The following NAP1L4 variants were observed in gnomAD, a reference collection of about 807,000 sequenced individuals.
NAP1L4 encodes the protein nucleosome assembly protein 1 like 4, also known as nucleosome assembly protein 1-like 4.
A neutral mutation model predicts 58.2 loss-of-function variants in NAP1L4; 15 were observed. The ratio of observed to expected loss-of-function variants is 0.26; its 90% CI spans 0.17 to 0.40. The LOEUF (loss-of-function observed/expected upper bound fraction) is 0.40, where lower values mean the gene tolerates loss of function less well. Ranked by LOEUF, NAP1L4 falls within the 10% of genes least tolerant of loss-of-function variation. The pLI is 1.00. For synonymous variants in NAP1L4, 171 were observed against 155.6 expected, an observed-to-expected ratio of 1.10 and a Z score of -0.74; for missense variants, 384 against 451.1, an observed-to-expected ratio of 0.85 and a Z score of 1.35.
Position 2,955,930 on chromosome 11 carries a change from C to T in NAP1L4, c.893-164G>A. On this transcript the variant is annotated intron_variant, in intron 10 of 15. Transcript: ENST00000380542. The surrounding 1 kb of genome is among the most constrained non-coding windows in gnomAD (Gnocchi z 4.2). ...TTGCATCTCCTCACAGACATCTTTG[C>T]AAGCTCCATCCACCACTTCTGAAGC... 1 of 646,300 alleles carries T rather than the reference C, an allele frequency of 1.5e-6. No individual in the cohort carries two copies. The allele number at this position is 646,300 out of a possible 1,614,324, so 40.0% of individuals were successfully genotyped here. A position where few individuals can be genotyped will look rare whatever the true frequency, so the allele number is the denominator to read the frequency against.
rs1337608826 is a variant in NAP1L4, at chr11:2,955,778, A to C, written c.893-12T>G. On this transcript the variant is annotated splice_polypyrimidine_tract_variant and intron_variant, in intron 10 of 15. Coordinates refer to ENST00000380542, the MANE Select transcript of NAP1L4 (RefSeq NM_005969.4). This position sits in a 1 kb window ranked among gnomAD's most constrained non-coding sequence, Gnocchi z 4.2. The stretch of plus-strand genomic sequence containing the variant: ...TCCATCCCCGGATGCTAGAAAAAGA[A>C]AAGACAAAACATATTTAAATTACAG... The C allele has an allele frequency of 5.6e-6, 9 of 1,612,012 alleles. No individual in the cohort carries two copies. Among genetic ancestry groups the C allele is most frequent in the African/African-American group, 1.3e-5 (1 of 74,870 alleles).
intron 1 of NAP1L4, among the ~76,000 whole-genome samples, chr11:2,983,452 A>C (rs1490555145): frequency 6.6e-6 from 1 of 152,130 alleles, no homozygotes; most frequent in Non-Finnish European, 1.5e-5. Flanking sequence ...CCTAGCCTCA[A>C]GTGATCCTCC....
chr11:2,992,268 G>T lies in NAP1L4; in HGVS notation c.-32C>A, dbSNP rs1207436294. ...TGTCTCCGCACCTCACGCCTCCTGCGGCAGTGGCGGCGACCCTAGCTTCGC... is the reference window on the plus strand; with the variant it reads ...TGTCTCCGCACCTCACGCCTCCTGCTGCAGTGGCGGCGACCCTAGCTTCGC... On this transcript the variant is annotated 5_prime_UTR_variant, in exon 1 of 16. Coordinates refer to ENST00000380542, the MANE Select transcript of NAP1L4 (RefSeq NM_005969.4). 1 of 152,268 alleles carries T rather than the reference G, an allele frequency of 6.6e-6. No individual in the cohort carries two copies. Among genetic ancestry groups the T allele is most frequent in the Non-Finnish European group, 1.5e-5 (1 of 68,020 alleles). 9.4% of individuals were successfully genotyped at this position (152,268 alleles called of 1,614,324 possible). A position where few individuals can be genotyped will look rare whatever the true frequency, so the allele number is the denominator to read the frequency against.
chr11:2,949,443 T>C lies in NAP1L4; in HGVS notation c.1123-179A>G, dbSNP rs988163763. ...TTCAAAATGGGCAGAAGCATGATTTTCACTTCTATCAGACTGCTCCCAATA... is the reference window on the plus strand; with the variant it reads ...TTCAAAATGGGCAGAAGCATGATTTCCACTTCTATCAGACTGCTCCCAATA... On this transcript the variant is annotated intron_variant, in intron 14 of 15. Transcript: ENST00000380542. This position sits in a 1 kb window ranked among gnomAD's most constrained non-coding sequence, Gnocchi z 4.0. 6.6e-6 allele frequency among the ~76,000 whole-genome samples: 1 copy of C among 152,212 alleles called. No homozygotes were observed. The highest frequency in any genetic ancestry group is 2.4e-5 in the African/African-American group (1 of 41,444).
intron 1 of NAP1L4, among the ~76,000 whole-genome samples, chr11:2,982,391 C>T (rs574567123): frequency 6.6e-6 from 1 of 152,326 alleles, no homozygotes; most frequent in African/African-American, 2.4e-5. Flanking sequence ...AACCTGGAAA[C>T]ATCTAACACT....
intron 1 of NAP1L4, among the ~76,000 whole-genome samples, chr11:2,983,592 GAA>G (rs545028521): frequency 3.5e-5 from 5 of 141,942 alleles, no homozygotes; most frequent in African/African-American, 1.3e-4. Context: ...CGGTATTCTG[GAA>G]AAAAAAAAAA....
At chr11:2,981,445 A>AAAAAAAC (rs1848305004) in intron 1 of NAP1L4, among the ~76,000 whole-genome samples, 6 of 142,282 alleles carry the variant, frequency 4.2e-5, no homozygotes, top group Non-Finnish European at 7.5e-5. Context: ...AAAAAAAAAA[A>AAAAAAAC]GGCAATAAAC....
Position 2,969,868 on chromosome 11 carries a change from T to G in NAP1L4, c.469A>C (p.Lys157Gln), listed in dbSNP as rs763584945. Residue 157 changes from lysine (K) to glutamine (Q), a missense_variant, in exon 7 of 16, where the codon AAA (lysine) becomes CAA (glutamine). Around this residue, in one of 3 missense-constraint regions of NAP1L4, gnomAD observed 296 missense variants for 360.8 expected, o/e 0.82. Coordinates refer to ENST00000380542, the MANE Select transcript of NAP1L4 (RefSeq NM_005969.4). ...GTAAACCAGAACTCTGGAATTCCTT[T>G]GGGATCTGGCTCTTCAGCCGTTGCC... Reference protein sequence around the residue: ...AAATAEEPDPKGIPEFWFTIF... With the variant: ...AAATAEEPDPQGIPEFWFTIF... The G allele has an allele frequency of 1.2e-6, 2 of 1,613,966 alleles. No individual in the cohort carries two copies. The highest frequency in any genetic ancestry group is 1.3e-5 in the African/African-American group (1 of 75,064).
rs752866436 is a variant in NAP1L4 at position 2,951,733 on chromosome 11, A to G, written c.1065+47T>C. ...AACCTTCAAGCAGAGAAAGCCAAAGAAACAACTTCAGGGAGGTAAGTGGCA... is the reference window on the plus strand; with the variant it reads ...AACCTTCAAGCAGAGAAAGCCAAAGGAACAACTTCAGGGAGGTAAGTGGCA... On this transcript the variant is annotated intron_variant, in intron 13 of 15. Coordinates refer to ENST00000380542, the MANE Select transcript of NAP1L4 (RefSeq NM_005969.4). This position sits in a 1 kb window ranked among gnomAD's most constrained non-coding sequence, Gnocchi z 4.0. 6.2e-7 allele frequency: 1 copy of G among 1,602,902 alleles called. No individual in the cohort carries two copies. The highest frequency in any genetic ancestry group is 8.5e-7 in the Non-Finnish European group (1 of 1,170,482).
In NAP1L4 at chr11:2,955,612, A is replaced by G. The variant is rs959336734; in HGVS notation, c.915+132T>C. On this transcript the variant is annotated intron_variant, in intron 11 of 15. Transcript: ENST00000380542. This position sits in a 1 kb window ranked among gnomAD's most constrained non-coding sequence, Gnocchi z 4.2. The stretch of plus-strand genomic sequence containing the variant: ...TGCAGTCCTCCCACCTCAGCCTCCC[A>G]AAGCATTAAGATCACTGGCATACCC... 11 of 865,532 alleles carry G rather than the reference A, an allele frequency of 1.3e-5. No homozygotes were observed. Among genetic ancestry groups the G allele is most frequent in the Non-Finnish European group, 1.8e-5 (10 of 550,640 alleles). The allele number at this position is 865,532 out of a possible 1,614,324, so 53.6% of individuals were successfully genotyped here. A position where few individuals can be genotyped will look rare whatever the true frequency, so the allele number is the denominator to read the frequency against.
intron 7 of NAP1L4, among the ~76,000 whole-genome samples, chr11:2,968,689 C>T (rs1440531770): frequency 1.3e-5 from 2 of 152,162 alleles, no homozygotes; most frequent in African/African-American, 4.8e-5. Context: ...ACGCACAGTG[C>T]CTATGCTCTG....
intron 7 of NAP1L4, among the ~76,000 whole-genome samples, chr11:2,967,009 A>G (rs7109587): frequency 0.84 from 128,108 of 152,204 alleles, 54,356 homozygotes; most frequent in African/African-American, 0.94. Flanking sequence ...TCGTAAAGCC[A>G]CCATCTCAAA....
chr11:2,953,125 C>T (rs1333326456), intron 12 of NAP1L4, among the ~76,000 whole-genome samples: 1 of 152,192 alleles, frequency 6.6e-6, no homozygotes, highest in African/African-American at 2.4e-5. Context: ...TCTGAGCAGT[C>T]TAATCTGAGC....
intron 14 of NAP1L4, among the ~76,000 whole-genome samples, chr11:2,950,634 T>C (rs1033205803): frequency 6.6e-6 from 1 of 152,254 alleles, no homozygotes; most frequent in East Asian, 1.9e-4. Context: ...GATTTTAAAA[T>C]GTGCCAAATG....
At chr11:2,965,346 G>A (rs916333865) in intron 7 of NAP1L4, among the ~76,000 whole-genome samples, 5 of 152,170 alleles carry the variant, frequency 3.3e-5, no homozygotes, top group East Asian at 1.9e-4. Context: ...TTGCTCCTAC[G>A]CTGCAAACCT....
intron 12 of NAP1L4, chr11:2,952,850 G>C (rs1846312634): frequency 6.6e-6 from 1 of 152,296 alleles, no homozygotes; most frequent in Non-Finnish European, 1.5e-5. Context: ...GGGCAGAGCA[G>C]GAGCTGCCAC....
chr11:2,958,124 T>G, intron 10 of NAP1L4: 1 of 622,206 alleles, frequency 1.6e-6, no homozygotes, highest in South Asian at 1.5e-5. Context: ...AAAACAGAAC[T>G]GCAAGTTTTT....
chr11:2,991,142 C>A, intron 1 of NAP1L4: 1 of 456,386 alleles, frequency 2.2e-6, no homozygotes, highest in South Asian at 1.5e-5. Flanking sequence ...CGCACAGTCA[C>A]CCAGGCAGGT....
rs779483099 is a variant in NAP1L4 at position 2,969,893 on chromosome 11, C to T, written c.444G>A (p.Ala148=). Reference sequence around the variant, plus strand: ...TGGGATCTGGCTCTTCAGCCGTTGCCGCTGCTTTTTCTGTGACGACTACTT... The same window carrying T: ...TGGGATCTGGCTCTTCAGCCGTTGCTGCTGCTTTTTCTGTGACGACTACTT... ...KSKVVVTEKA[A]ATAEEPDPKG... The change falls in exon 7 of 16, where the codon GCG becomes GCA. Residue 148 remains alanine (A), a synonymous_variant. Transcript: ENST00000380542. 39 of 1,613,562 alleles carry T rather than the reference C, an allele frequency of 2.4e-5. No homozygotes were observed. In the Middle Eastern group the frequency reaches 2.3e-3, roughly 95 times the overall value.
Sources: allele counts gnomAD v4.1 joint callset (sites outside exome capture counted in the v4.1 genomes callset), GRCh38; gene constraint gnomAD v4.1.1; regional missense constraint gnomAD v4.1.1; non-coding constraint Gnocchi (gnomAD v3.1); transcripts MANE v1.5; gene names NCBI Gene and HGNC (gene_info 2026-07-23, HGNC 2026-07-21).